LMBR1: variants seen among roughly 807,000 people sequenced by gnomAD.
LMBR1 encodes limb region 1 protein homolog.
Under a neutral mutation model 73.9 loss-of-function variants are expected in LMBR1, and 52 were observed. The ratio of observed to expected loss-of-function variants is 0.70; its 90% CI spans 0.56 to 0.89. The LOEUF (loss-of-function observed/expected upper bound fraction) is 0.89, where lower values mean the gene tolerates loss of function less well. Among genes scored for constraint, LMBR1 ranks in the 40% least tolerant of loss-of-function variants. The pLI, the probability that LMBR1 is intolerant of heterozygous loss-of-function variation, is 0.00. For missense variants in LMBR1, 539 were observed against 579.8 expected, an observed-to-expected ratio of 0.93 and a Z score of 0.72; for synonymous variants, 215 against 209.4, an observed-to-expected ratio of 1.03 and a Z score of -0.23.
chr7:156,780,740 C>A (rs1295315789), intron 5 of LMBR1, among the ~76,000 whole-genome samples: 3 of 152,194 alleles, frequency 2.0e-5, no homozygotes, highest in African/African-American at 7.2e-5. Context: ...ACAAAGTTCA[C>A]ACTCAAAAGT....
chr7:156,756,391 A>G lies in LMBR1; in HGVS notation c.757+2T>C. On this transcript the variant is annotated splice_donor_variant, in intron 9 of 16. Coordinates refer to ENST00000353442, the MANE Select transcript of LMBR1 (RefSeq NM_022458.4). LOFTEE classifies it high-confidence loss of function. ...CCGTCTAAATATGTAATATAAACAT[A>G]CCATTTAGTCGTCTCTGGAGTGCTT... 7.3e-7 allele frequency: 1 copy of G among 1,370,896 alleles called. No homozygotes were observed. The highest frequency in any genetic ancestry group is 1.0e-6 in the Non-Finnish European group (1 of 966,818). The allele number at this position is 1,370,896 out of a possible 1,614,324, so 84.9% of individuals were successfully genotyped here.
intron 4 of LMBR1, among the ~76,000 whole-genome samples, chr7:156,815,345 T>A (rs1038338869): frequency 3.9e-5 from 6 of 151,900 alleles, no homozygotes; most frequent in Non-Finnish European, 7.4e-5. Flanking sequence ...TATACATAGG[T>A]GTTATTGAAA....
chr7:156,829,220 T>C (rs1421110125), intron 3 of LMBR1, among the ~76,000 whole-genome samples: 1 of 152,250 alleles, frequency 6.6e-6, no homozygotes, highest in Admixed American at 6.5e-5. Flanking sequence ...AAAATTGCTT[T>C]ACTAAGAATT....
chr7:156,728,497 C>T, intron 11 of LMBR1, 147 bp downstream of exon 11: 1 of 498,466 alleles, frequency 2.0e-6, no homozygotes, highest in South Asian at 5.2e-5. Flanking sequence ...ATTGGATTTT[C>T]ATAAATAAAG....
chr7:156,776,984 C>T (rs1023012734), intron 5 of LMBR1, among the ~76,000 whole-genome samples: 1 of 150,244 alleles, frequency 6.7e-6, no homozygotes, highest in African/African-American at 2.5e-5. Context: ...CAGGCTGGAG[C>T]GCAGTGGCAC....
At chr7:156,847,726 C>A (rs1376929934) in intron 1 of LMBR1, among the ~76,000 whole-genome samples, 1 of 152,146 alleles carries the variant, frequency 6.6e-6, no homozygotes, top group Non-Finnish European at 1.5e-5. Context: ...TGATGACACA[C>A]CTATTAGAAT....
At chr7:156,830,054 T>A (rs1040770285) in intron 3 of LMBR1, among the ~76,000 whole-genome samples, 1 of 152,188 alleles carries the variant, frequency 6.6e-6, no homozygotes, top group African/African-American at 2.4e-5. Flanking sequence ...CTCCTTACGG[T>A]CAAATCCATC....
intron 5 of LMBR1, among the ~76,000 whole-genome samples, chr7:156,771,917 A>G (rs1189657900): frequency 6.6e-6 from 1 of 152,232 alleles, no homozygotes. Context: ...CCTGGGATGG[A>G]AGGTTGGTTC....
At chr7:156,773,422 A>G (rs1448969442) in intron 5 of LMBR1, among the ~76,000 whole-genome samples, 1 of 152,230 alleles carries the variant, frequency 6.6e-6, no homozygotes, top group Non-Finnish European at 1.5e-5. Context: ...TGGAGGTGTC[A>G]CACTACCCAA....
rs188313089 is a variant in LMBR1 at position 156,883,975 on chromosome 7, C to T, written c.66+8953G>A. On this transcript the variant is annotated intron_variant, in intron 1 of 16. Coordinates refer to ENST00000353442, the MANE Select transcript of LMBR1 (RefSeq NM_022458.4). ...CCACATGGATTACCAACTTCAGGGG[C>T]CATTATGCTGCCTACCGCAGAGGGG... Among the ~76,000 whole-genome samples, 174 of 152,314 alleles carry T rather than the reference C, an allele frequency of 1.1e-3. 1 individual carries two copies. The highest frequency in any genetic ancestry group is 4.1e-3 in the African/African-American group (171 of 41,572).
At chr7:156,890,993 C>T (rs1460990389) in intron 1 of LMBR1, among the ~76,000 whole-genome samples, 1 of 151,672 alleles carries the variant, frequency 6.6e-6, no homozygotes, top group South Asian at 2.1e-4. Flanking sequence ...GAGTTCAAGG[C>T]CAGCCTGGCC....
chr7:156,751,895 AG>A (rs758329402), intron 9 of LMBR1, among the ~76,000 whole-genome samples: 1 of 152,236 alleles, frequency 6.6e-6, no homozygotes, highest in Non-Finnish European at 1.5e-5. Flanking sequence ...CTAGACAGTT[AG>A]ATCTTTAAGT....
intron 5 of LMBR1, among the ~76,000 whole-genome samples, chr7:156,786,202 GGGAAGGGAAGGAAGGA>G (rs1235846315): frequency 1.4e-5 from 2 of 145,580 alleles, no homozygotes; most frequent in East Asian, 2.0e-4. Context: ...AGGTAGGGAA[GGGAAGGGAAGGAAGGA>G]GGAAGGGAAG....
chr7:156,692,234 G>A (rs1003116455), intron 15 of LMBR1, among the ~76,000 whole-genome samples: 12 of 152,014 alleles, frequency 7.9e-5, no homozygotes, highest in African/African-American at 2.4e-4. Context: ...CCACCACCAC[G>A]CCCGGCTAAT....
chr7:156,837,335 C>CAAAAAA (rs61161222), intron 1 of LMBR1, among the ~76,000 whole-genome samples: 1 of 101,720 alleles, frequency 9.8e-6, no homozygotes. Flanking sequence ...GACTCCATCT[C>CAAAAAA]AAAAAAAAAA....
At chr7:156,779,100 G>A (rs971743665) in intron 5 of LMBR1, among the ~76,000 whole-genome samples, 2 of 152,104 alleles carry the variant, frequency 1.3e-5, no homozygotes, top group Admixed American at 6.6e-5. Flanking sequence ...AAGATCACAG[G>A]ACTATAAGAA....
chr7:156,885,640 G>C (rs1801765539), intron 1 of LMBR1, among the ~76,000 whole-genome samples: 1 of 152,108 alleles, frequency 6.6e-6, no homozygotes, highest in African/African-American at 2.4e-5. Flanking sequence ...ACTTTGGGAG[G>C]CCAAGGCAGG....
Position 156,836,773 on chromosome 7 carries a change from G to T in LMBR1, c.139+40C>A, listed in dbSNP as rs185989595. 40 of 1,289,628 alleles carry T rather than the reference G, an allele frequency of 3.1e-5. No individual in the cohort carries two copies. The African/African-American group carries it at 5.8e-4, about 19-fold the overall frequency. 79.9% of individuals were successfully genotyped at this position (1,289,628 alleles called of 1,614,324 possible). ...TTATATACCATGCCTAGACCATGTG[G>T]CATTCTAACAAAGGTTTTAATTGAC... On this transcript the variant is annotated intron_variant, in intron 2 of 16. Transcript: ENST00000353442.
At chr7:156,876,370 T>C (rs979775203) in intron 1 of LMBR1, among the ~76,000 whole-genome samples, 1 of 152,080 alleles carries the variant, frequency 6.6e-6, no homozygotes, top group Non-Finnish European at 1.5e-5. Context: ...ACAATAATAG[T>C]GGGGTATTTC....
Sources: gnomAD v4.1 joint callset for allele counts (sites outside exome capture counted in the v4.1 genomes callset) on GRCh38, gnomAD v4.1.1 for gene constraint, MANE v1.5 for transcripts, NCBI Gene and HGNC (gene_info 2026-07-23, HGNC 2026-07-21) for gene names.